The following DLGAP4 variants were observed in gnomAD, a reference collection of about 807,000 sequenced individuals.
DLGAP4 encodes the protein disks large-associated protein 4.
A neutral mutation model predicts 86.9 loss-of-function variants in DLGAP4; 18 were observed. That is an observed-to-expected ratio of 0.21 (90% CI 0.14 to 0.31). DLGAP4 has a LOEUF of 0.31. DLGAP4 is among the 10% of genes least tolerant of loss of function. DLGAP4 has a pLI of 1.00. For missense variants in DLGAP4, 1,085 were observed against 1,362.6 expected (o/e 0.80, Z 3.21); for synonymous variants, 548 against 574.3 (o/e 0.95, Z 0.65).
At chr20:36,407,171 T>G (rs1863299026) in intron 2 of DLGAP4, among the ~76,000 whole-genome samples, 1 of 152,076 alleles carries the variant, frequency 6.6e-6, no homozygotes, top group Non-Finnish European at 1.5e-5. Flanking sequence ...AAGAACCCTG[T>G]CTCTACAAAA....
intron 2 of DLGAP4, among the ~76,000 whole-genome samples, chr20:36,373,522 C>T (rs1406828342): frequency 2.0e-5 from 3 of 152,036 alleles, no homozygotes; most frequent in Admixed American, 6.6e-5. Flanking sequence ...GCAGCCTGGG[C>T]CTGTGTACCA....
chr20:36,461,106 G>A (rs1020251987), intron 7 of DLGAP4, among the ~76,000 whole-genome samples: 5 of 152,116 alleles, frequency 3.3e-5, no homozygotes, highest in Non-Finnish European at 7.4e-5. Context: ...GGGGTGAACT[G>A]GTGGGAACTC....
intron 7 of DLGAP4, among the ~76,000 whole-genome samples, chr20:36,494,052 T>C (rs1600647480): frequency 6.6e-6 from 1 of 152,212 alleles, no homozygotes; most frequent in East Asian, 1.9e-4. Context: ...CTGCCTTTCT[T>C]CTGGCCCAGA....
At chr20:36,316,224 A>G (rs1169908248) in intron 1 of DLGAP4, among the ~76,000 whole-genome samples, 2 of 152,194 alleles carry the variant, frequency 1.3e-5, no homozygotes, top group African/African-American at 4.8e-5. Flanking sequence ...ACGCAGGTTA[A>G]GTAACCACAT....
At position 36,432,020 on chromosome 20, in the gene DLGAP4, C is replaced by T. The variant is rs1211503539; in HGVS notation, c.303C>T (p.Pro101=). The T allele has an allele frequency of 6.8e-6, 11 of 1,614,080 alleles. No homozygotes were observed. Among genetic ancestry groups the T allele is most frequent in the African/African-American group, 4.0e-5 (3 of 74,946 alleles). The change falls in exon 3 of 13, where the codon CCC becomes CCT. Residue 101 remains proline (P), a synonymous_variant. Transcript: ENST00000339266. The surrounding 1 kb of genome is among the most constrained non-coding windows in gnomAD (Gnocchi z 6.5). ...HAQATKINRL[P]ANLLDQFEKQ... ...AAGCCACCAAGATCAACCGGCTGCCCGCCAACCTCCTGGACCAGTTTGAGA... is the reference window on the plus strand; with the variant it reads ...AAGCCACCAAGATCAACCGGCTGCCTGCCAACCTCCTGGACCAGTTTGAGA...
intron 7 of DLGAP4, among the ~76,000 whole-genome samples, chr20:36,483,338 C>T (rs538866805): frequency 2.2e-4 from 34 of 152,278 alleles, no homozygotes; most frequent in Non-Finnish European, 4.0e-4. Context: ...AGCTCAGCTA[C>T]GGGAGGATGC....
intron 7 of DLGAP4, among the ~76,000 whole-genome samples, chr20:36,464,193 T>C (rs1345972934): frequency 6.6e-6 from 1 of 152,170 alleles, no homozygotes; most frequent in Non-Finnish European, 1.5e-5. Flanking sequence ...TCACTTTCCT[T>C]TGGGCTTCAG....
At chr20:36,492,746 C>T (rs972188976) in intron 7 of DLGAP4, 1 of 152,180 alleles carries the variant, frequency 6.6e-6, no homozygotes, top group African/African-American at 2.4e-5. Flanking sequence ...CTAACTGCTA[C>T]CCTCCTAAGG....
At chr20:36,471,405 A>G (rs1281567173) in intron 7 of DLGAP4, among the ~76,000 whole-genome samples, 1 of 152,152 alleles carries the variant, frequency 6.6e-6, no homozygotes, top group East Asian at 1.9e-4. Flanking sequence ...GAGGCAGAAG[A>G]ATCACTTGAA....
chr20:36,505,030 C>T (rs1016299747), intron 10 of DLGAP4, among the ~76,000 whole-genome samples: 3 of 151,756 alleles, frequency 2.0e-5, no homozygotes, highest in Admixed American at 6.6e-5. Context: ...CTCTGTTGCC[C>T]AGACTGGAGT....
chr20:36,337,383 A>G (rs1364279561), intron 1 of DLGAP4, among the ~76,000 whole-genome samples: 1 of 152,084 alleles, frequency 6.6e-6, no homozygotes, highest in Admixed American at 6.5e-5. Flanking sequence ...CCCGCTGGGT[A>G]GGTGCAGGGA....
intron 2 of DLGAP4, among the ~76,000 whole-genome samples, chr20:36,404,586 A>G (rs915679101): frequency 6.6e-6 from 1 of 152,198 alleles, no homozygotes; most frequent in Non-Finnish European, 1.5e-5. Flanking sequence ...AAGCTCCTCT[A>G]CGAGAGACCG....
At chr20:36,416,214 C>T (rs1489210802) in intron 2 of DLGAP4, among the ~76,000 whole-genome samples, 2 of 152,152 alleles carry the variant, frequency 1.3e-5, no homozygotes, top group Non-Finnish European at 2.9e-5. Context: ...CTCCACCTCC[C>T]GGGTTCAAGC....
Position 36,319,236 on chromosome 20 carries a change from C to G in DLGAP4, c.-304+12724C>G, listed in dbSNP as rs562184235. On this transcript the variant is annotated intron_variant, in intron 1 of 12. Transcript: ENST00000339266. ...GAGCTGCTGATTTTGAGGGGTGGCCCAAGTTTGAGTCCCCACTCTGCTCAC... is the reference window on the plus strand; with the variant it reads ...GAGCTGCTGATTTTGAGGGGTGGCCGAAGTTTGAGTCCCCACTCTGCTCAC... Among the ~76,000 whole-genome samples, 4 of 152,200 alleles carry G rather than the reference C, an allele frequency of 2.6e-5. No individual in the cohort carries two copies. In the East Asian group the frequency reaches 7.7e-4, roughly 29 times the overall value.
At chr20:36,462,470 G>A in intron 7 of DLGAP4, 3 of 1,562,666 alleles carry the variant, frequency 1.9e-6, no homozygotes, top group Non-Finnish European at 2.6e-6. Context: ...TGCTTTTTCA[G>A]CCCTAGCCCC....
At chr20:36,518,331 CT>C (rs908268580) in intron 10 of DLGAP4, among the ~76,000 whole-genome samples, 3 of 151,686 alleles carry the variant, frequency 2.0e-5, no homozygotes, top group African/African-American at 7.3e-5. Flanking sequence ...CATTCCTAAT[CT>C]TTATTTGCAT....
chr20:36,420,685 A>G (rs1232954039), intron 2 of DLGAP4, among the ~76,000 whole-genome samples: 1 of 151,940 alleles, frequency 6.6e-6, no homozygotes, highest in African/African-American at 2.4e-5. Context: ...AAAAAACACA[A>G]AAATTAGGCT....
chr20:36,435,110 GGT>G (rs2033236201), intron 3 of DLGAP4, among the ~76,000 whole-genome samples: 2 of 152,046 alleles, frequency 1.3e-5, no homozygotes, highest in South Asian at 4.1e-4. Flanking sequence ...AGTGGCTGCT[GGT>G]GTGTGTCCTT....
At chr20:36,522,872 G>A (rs566739257) in intron 10 of DLGAP4, among the ~76,000 whole-genome samples, 66 of 152,074 alleles carry the variant, frequency 4.3e-4, no homozygotes, top group Middle Eastern at 6.8e-3. Flanking sequence ...TGTGGTGGGG[G>A]TGGGGGCAAG....
Sources: gnomAD v4.1 joint callset for allele counts (sites outside exome capture counted in the v4.1 genomes callset) on GRCh38, gnomAD v4.1.1 for gene constraint, Gnocchi (gnomAD v3.1) non-coding constraint, MANE v1.5 for transcripts, NCBI Gene and HGNC (gene_info 2026-07-23, HGNC 2026-07-21) for gene names.